Variants in ICE1 observed in about 807,000 individuals in gnomAD.
The protein encoded by ICE1 is little elongation complex subunit 1.
ICE1 carries 64 observed loss-of-function variants against 192.7 expected under a neutral mutation model. That is an observed-to-expected ratio of 0.33 (90% CI 0.27 to 0.41). The LOEUF (loss-of-function observed/expected upper bound fraction) is 0.41, where lower values mean the gene tolerates loss of function less well. ICE1 is among the 10% of genes least tolerant of loss of function. The pLI, the probability that ICE1 is intolerant of heterozygous loss-of-function variation, is 1.00. For missense variants in ICE1, 2,708 were observed against 2,696.0 expected, an observed-to-expected ratio of 1.00 and a Z score of -0.10; for synonymous variants, 1,010 against 984.5, an observed-to-expected ratio of 1.03 and a Z score of -0.49.
chr5:5,487,726 G>A (rs1170324685), intron 18 of ICE1, among the ~76,000 whole-genome samples: 3 of 152,210 alleles, frequency 2.0e-5, no homozygotes, highest in Non-Finnish European at 2.9e-5. Context: ...GCCAGCAGAT[G>A]CAGTTTACTC....
At chr5:5,423,386 C>G (rs528110778) in intron 1 of ICE1, among the ~76,000 whole-genome samples, 1 of 152,226 alleles carries the variant, frequency 6.6e-6, no homozygotes, top group East Asian at 1.9e-4. Flanking sequence ...CTTTGGTCTT[C>G]TGGCCCATCC....
intron 3 of ICE1, among the ~76,000 whole-genome samples, chr5:5,439,352 G>GT (rs1737970514): frequency 6.6e-6 from 1 of 152,062 alleles, no homozygotes; most frequent in Admixed American, 6.6e-5. Context: ...TAAAGGAATT[G>GT]TTTTTTGCTA....
intron 1 of ICE1, among the ~76,000 whole-genome samples, chr5:5,433,609 TC>T (rs1737787495): frequency 6.6e-6 from 1 of 152,202 alleles, no homozygotes; most frequent in Non-Finnish European, 1.5e-5. Flanking sequence ...AATGCATGCA[TC>T]CACCCTCTCT....
chr5:5,461,362 A>G lies in ICE1; in HGVS notation c.2028A>G (p.Gln676=). The G allele has an allele frequency of 6.2e-7, 1 of 1,613,922 alleles. No homozygotes were observed. The highest frequency in any genetic ancestry group is 8.5e-7 in the Non-Finnish European group (1 of 1,179,826). The change falls in exon 13 of 19, where the codon CAA becomes CAG. Residue 676 remains glutamine (Q), a synonymous_variant. Coordinates refer to ENST00000296564, the MANE Select transcript of ICE1 (RefSeq NM_015325.3). ...CGCATCATTCAGAACATAAATTGCA[A>G]ACTAAAACTTTAAACACATTACATC... ...TEPHHSEHKL[Q]TKTLNTLHLQ...
chr5:5,485,396 G>A (rs941269736), intron 17 of ICE1, among the ~76,000 whole-genome samples: 7 of 152,014 alleles, frequency 4.6e-5, no homozygotes, highest in Admixed American at 2.6e-4. Flanking sequence ...TATCTGTTCT[G>A]CATTCATTCT....
chr5:5,422,898 G>C lies in ICE1; in HGVS notation c.-18G>C. ...GGCCCCTGAGGCGTGCGTGCCCACC[G>C]GGCCCGGCGGCGGCACCATGATGCC... On this transcript the variant is annotated 5_prime_UTR_variant, in exon 1 of 19. Transcript: ENST00000296564. The C allele has an allele frequency of 7.3e-7, 1 of 1,371,110 alleles. No homozygotes were observed. Among genetic ancestry groups the C allele is most frequent in the Non-Finnish European group, 9.4e-7 (1 of 1,061,636 alleles). 84.9% of individuals were successfully genotyped at this position (1,371,110 alleles called of 1,614,324 possible).
In ICE1 at chr5:5,490,181, G is replaced by T. The variant is rs565429983; in HGVS notation, c.*851G>T. ...ATATTCGTTATTTCTTAAAACTCTT[G>T]TATGTGTTTTTATAATAAAAAATAA... On this transcript the variant is annotated 3_prime_UTR_variant, in exon 19 of 19. Coordinates refer to ENST00000296564, the MANE Select transcript of ICE1 (RefSeq NM_015325.3). 2.6e-5 allele frequency: 4 copies of T among 151,894 alleles called. No homozygotes were observed. Among genetic ancestry groups the T allele is most frequent in the African/African-American group, 9.7e-5 (4 of 41,232 alleles). 9.4% of individuals were successfully genotyped at this position (151,894 alleles called of 1,614,324 possible).
intron 10 of ICE1, among the ~76,000 whole-genome samples, chr5:5,453,711 A>G (rs946477590): frequency 3.9e-5 from 6 of 152,190 alleles, no homozygotes; most frequent in African/African-American, 1.4e-4. Context: ...ATATTTTCAT[A>G]AATACTTTTT....
In ICE1 at chr5:5,436,470, A is replaced by G. The variant is rs368929819; in HGVS notation, c.137A>G (p.Asn46Ser). The change falls in exon 2 of 19, where the codon AAT (asparagine) becomes AGT (serine). Residue 46 changes from asparagine (N) to serine (S), a missense_variant. Around this residue, in one of 2 missense-constraint regions of ICE1, gnomAD observed 2,366 missense variants for 2,276.6 expected, o/e 1.04. Coordinates refer to ENST00000296564, the MANE Select transcript of ICE1 (RefSeq NM_015325.3). ...ATTACCTTGAAACAAAAAATTATCA[A>G]TACAGAGTAAGTATATTTGCATGTC... is the stretch of plus-strand genomic sequence containing the variant. Reference protein sequence around the residue: ...ALITLKQKIINTDNLLTEYQK... With the variant: ...ALITLKQKIISTDNLLTEYQK... 27 of 1,471,080 alleles carry G rather than the reference A, an allele frequency of 1.8e-5. No individual in the cohort carries two copies. The highest frequency in any genetic ancestry group is 2.4e-5 in the Admixed American group (1 of 41,004). The allele number at this position is 1,471,080 out of a possible 1,614,324, so 91.1% of individuals were successfully genotyped here.
chr5:5,432,808 CTCA>C (rs1737761210), intron 1 of ICE1, among the ~76,000 whole-genome samples: 1 of 152,156 alleles, frequency 6.6e-6, no homozygotes, highest in Non-Finnish European at 1.5e-5. Flanking sequence ...TATTATTTAT[CTCA>C]TCCTATTAAT....
intron 1 of ICE1, among the ~76,000 whole-genome samples, chr5:5,424,948 G>A (rs769223065): frequency 1.3e-5 from 2 of 152,156 alleles, no homozygotes; most frequent in African/African-American, 2.4e-5. Context: ...TTTGGGCGAT[G>A]GAAATGGTGA....
At chr5:5,442,648 C>T (rs550709943) in intron 5 of ICE1, among the ~76,000 whole-genome samples, 2 of 152,148 alleles carry the variant, frequency 1.3e-5, no homozygotes, top group Admixed American at 6.6e-5. Context: ...TTAAAGAACT[C>T]TCTCAGAGCT....
intron 15 of ICE1, among the ~76,000 whole-genome samples, chr5:5,472,766 A>G (rs181238646): frequency 2.0e-5 from 3 of 152,302 alleles, no homozygotes; most frequent in Admixed American, 1.3e-4. Flanking sequence ...TGAGTATTAT[A>G]TGTGTATTAT....
In ICE1 at chr5:5,447,911, A is replaced by T; in HGVS notation, c.604+14A>T. ...GCATAGATAAAAGTGAGTATATTGC[A>T]ACTTTTGTTTTAATGTTGTGTATTG... On this transcript the variant is annotated intron_variant, in intron 10 of 18. Coordinates refer to ENST00000296564, the MANE Select transcript of ICE1 (RefSeq NM_015325.3). The T allele has an allele frequency of 6.5e-7, 1 of 1,548,380 alleles. No homozygotes were observed. The highest frequency in any genetic ancestry group is 8.8e-7 in the Non-Finnish European group (1 of 1,140,914).
chr5:5,423,283 C>T (rs761125794), intron 1 of ICE1, among the ~76,000 whole-genome samples: 1 of 152,144 alleles, frequency 6.6e-6, no homozygotes, highest in Non-Finnish European at 1.5e-5. Flanking sequence ...CCCCCACCTT[C>T]CCTACCCGGC....
chr5:5,468,914 A>G lies in ICE1; in HGVS notation c.6148A>G (p.Met2050Val), dbSNP rs755253144. The G allele has an allele frequency of 2.5e-6, 4 of 1,607,550 alleles. No homozygotes were observed. Among genetic ancestry groups the G allele is most frequent in the South Asian group, 2.2e-5 (2 of 89,498 alleles). The change falls in exon 15 of 19, where the codon ATG (methionine) becomes GTG (valine). Residue 2050 changes from methionine to valine, a missense_variant. This residue lies in a region of ICE1 where 342 missense variants were observed against 419.3 expected (regional missense o/e 0.82). Transcript: ENST00000296564. Reference sequence around the variant, plus strand: ...CTCTCAATCGGTGATTAATAAAGCAATGCAGTTAGTTGCCAGGCAACGTGC... The same window carrying G: ...CTCTCAATCGGTGATTAATAAAGCAGTGCAGTTAGTTGCCAGGCAACGTGC... ...FLSQSVINKA[M>V]QLVARQRAKG...
intron 17 of ICE1, among the ~76,000 whole-genome samples, chr5:5,479,644 CAT>C (rs1471995609): frequency 6.6e-6 from 1 of 152,176 alleles, no homozygotes; most frequent in Non-Finnish European, 1.5e-5. Context: ...CTCATGCACA[CAT>C]ATGTTTATTG....
At chr5:5,425,938 C>A (rs746788161) in intron 1 of ICE1, among the ~76,000 whole-genome samples, 5 of 152,020 alleles carry the variant, frequency 3.3e-5, no homozygotes, top group Non-Finnish European at 5.9e-5. Flanking sequence ...AATGGAAGGT[C>A]CCGAGGTTTA....
At chr5:5,465,941 A>G (rs1252025471) in intron 13 of ICE1, among the ~76,000 whole-genome samples, 1 of 152,238 alleles carries the variant, frequency 6.6e-6, no homozygotes, top group Non-Finnish European at 1.5e-5. Flanking sequence ...AGTAAATTAG[A>G]GTTTAGAAAA....
Sources: gnomAD v4.1 joint callset for allele counts (sites outside exome capture counted in the v4.1 genomes callset) on GRCh38, gnomAD v4.1.1 for gene constraint, gnomAD v4.1.1 regional missense constraint, MANE v1.5 for transcripts, NCBI Gene and HGNC (gene_info 2026-07-23, HGNC 2026-07-21) for gene names.